The following BPGM variants were observed in gnomAD, a reference collection of about 807,000 sequenced individuals.
BPGM encodes bisphosphoglycerate mutase, also known as 2,3-bisphosphoglycerate mutase, erythrocyte.
A neutral mutation model predicts 21.6 loss-of-function variants in BPGM; 15 were observed. The ratio of observed to expected loss-of-function variants is 0.70; its 90% CI spans 0.47 to 1.07. BPGM has a LOEUF of 1.07. BPGM is among the 50% of genes least tolerant of loss of function. The pLI, the probability that BPGM is intolerant of heterozygous loss-of-function variation, is 0.00. For missense variants in BPGM, 273 were observed against 319.0 expected (o/e 0.86, Z 1.10); for synonymous variants, 113 against 116.2 (o/e 0.97, Z 0.18).
chr7:134,675,168 T>C (rs377008512), intron 2 of BPGM, among the ~76,000 whole-genome samples: 35 of 152,318 alleles, frequency 2.3e-4, no homozygotes, highest in Middle Eastern at 3.4e-3. Flanking sequence ...ATCTAGACTA[T>C]ATATGATATA....
intron 2 of BPGM, among the ~76,000 whole-genome samples, chr7:134,668,741 T>C (rs1417849981): frequency 6.6e-6 from 1 of 152,230 alleles, no homozygotes; most frequent in Non-Finnish European, 1.5e-5. Context: ...GAAACTGCTT[T>C]AGTAAAAAGA....
At chr7:134,647,507 A>C (rs1795480160) in intron 1 of BPGM, among the ~76,000 whole-genome samples, 1 of 152,246 alleles carries the variant, frequency 6.6e-6, no homozygotes, top group Non-Finnish European at 1.5e-5. Context: ...CTCTTTTCTA[A>C]GGGACGAGCT....
At chr7:134,647,802 T>A (rs1795484142) in intron 1 of BPGM, among the ~76,000 whole-genome samples, 1 of 152,236 alleles carries the variant, frequency 6.6e-6, no homozygotes, top group Non-Finnish European at 1.5e-5. Context: ...TTTTATTTTT[T>A]ATTTTTTTTG....
rs1276858733 is a variant in BPGM at position 134,661,612 on chromosome 7, G to A, written c.105G>A (p.Met35Ile). Reference protein sequence around the residue: ...WVDQKLNSEGMEEARNCGKQL... With the variant: ...WVDQKLNSEGIEEARNCGKQL... ...ATCAGAAACTCAACAGCGAAGGAAT[G>A]GAGGAAGCTCGGAACTGTGGGAAGC... Residue 35 changes from methionine (M) to isoleucine (I), a missense_variant, in exon 2 of 3, where the codon ATG becomes ATA. By Grantham distance (10) the Met-to-Ile change is conservative. Coordinates refer to ENST00000344924, the MANE Select transcript of BPGM (RefSeq NM_001724.5). This position sits in a 1 kb window ranked among gnomAD's most constrained non-coding sequence, Gnocchi z 4.6. 1 of 1,614,148 alleles carries A rather than the reference G, an allele frequency of 6.2e-7. No individual in the cohort carries two copies. Among genetic ancestry groups the A allele is most frequent in the South Asian group, 1.1e-5 (1 of 91,080 alleles).
At chr7:134,651,947 A>G (rs1795561297) in intron 1 of BPGM, among the ~76,000 whole-genome samples, 1 of 152,224 alleles carries the variant, frequency 6.6e-6, no homozygotes, top group Non-Finnish European at 1.5e-5. Context: ...CTAATGGGGT[A>G]AAGTGTGTCA....
At chr7:134,649,472 G>T (rs1386819572) in intron 1 of BPGM, among the ~76,000 whole-genome samples, 1 of 152,136 alleles carries the variant, frequency 6.6e-6, no homozygotes. Flanking sequence ...AAATTCACCT[G>T]GCCTTCATCT....
chr7:134,662,462 G>T (rs772974909), intron 2 of BPGM, among the ~76,000 whole-genome samples: 79 of 152,234 alleles, frequency 5.2e-4, no homozygotes, highest in Non-Finnish European at 8.1e-4. Flanking sequence ...GCTGATTGGG[G>T]TTCCACACTT....
intron 2 of BPGM, among the ~76,000 whole-genome samples, chr7:134,676,418 G>A (rs1795983952): frequency 6.6e-6 from 1 of 152,184 alleles, no homozygotes; most frequent in South Asian, 2.1e-4. Flanking sequence ...ATTTTTTATA[G>A]TGAAAATTTA....
chr7:134,661,876 G>C lies in BPGM; in HGVS notation c.369G>C (p.Pro123=). 6.2e-7 allele frequency: 1 copy of C among 1,607,928 alleles called. No individual in the cohort carries two copies. The highest frequency in any genetic ancestry group is 8.5e-7 in the Non-Finnish European group (1 of 1,176,056). Residue 123 remains proline, a synonymous_variant, in exon 2 of 3, where the codon CCG becomes CCC. Coordinates refer to ENST00000344924, the MANE Select transcript of BPGM (RefSeq NM_001724.5). The surrounding 1 kb of genome is among the most constrained non-coding windows in gnomAD (Gnocchi z 4.6). The part of the protein sequence containing the change: ...RLWRRSYNVT[P]PPIEESHPYY... ...GGAGAAGAAGCTACAATGTAACCCC[G>C]CCTCCCATTGAGGAGTCTCATCCTT... is the stretch of plus-strand genomic sequence containing the variant.
rs569915184 is a variant in BPGM, at chr7:134,670,797, G to A, written c.602-8056G>A. 3.9e-5 allele frequency among the ~76,000 whole-genome samples: 6 copies of A among 152,120 alleles called. No individual in the cohort carries two copies. The South Asian group carries it at 1.2e-3, about 32-fold the overall frequency. ...ACCTTATTAAATGAATGAGTTGACT[G>A]GAGTTGTTTCCCTTTTTTTTCTAAT... On this transcript the variant is annotated intron_variant, in intron 2 of 2. Coordinates refer to ENST00000344924, the MANE Select transcript of BPGM (RefSeq NM_001724.5).
At chr7:134,655,562 T>G (rs1268724603) in intron 1 of BPGM, among the ~76,000 whole-genome samples, 2 of 152,194 alleles carry the variant, frequency 1.3e-5, no homozygotes, top group Non-Finnish European at 2.9e-5. Flanking sequence ...TCTGTGGAGA[T>G]TATGGCCATC....
intron 1 of BPGM, chr7:134,658,640 T>A (rs1420659628): frequency 6.6e-6 from 1 of 152,260 alleles, no homozygotes; most frequent in Non-Finnish European, 1.5e-5. Flanking sequence ...AGTTTCTATG[T>A]TTGCAAGCTA....
At chr7:134,651,562 A>G (rs1417069401) in intron 1 of BPGM, among the ~76,000 whole-genome samples, 1 of 152,192 alleles carries the variant, frequency 6.6e-6, no homozygotes, top group Non-Finnish European at 1.5e-5. Flanking sequence ...GCAGCAGATG[A>G]TCATGCTACA....
Position 134,662,120 on chromosome 7 carries a change from A to G in BPGM, c.601+12A>G. The G allele has an allele frequency of 6.2e-7, 1 of 1,613,956 alleles. No individual in the cohort carries two copies. On this transcript the variant is annotated intron_variant, in intron 2 of 2. Coordinates refer to ENST00000344924, the MANE Select transcript of BPGM (RefSeq NM_001724.5). ...AAAACACCTGGAAGGTACCAGCTTT[A>G]TATACCACTTATTAGAGGTTGCCAA...
intron 1 of BPGM, among the ~76,000 whole-genome samples, chr7:134,648,243 C>T (rs1444460479): frequency 6.6e-6 from 1 of 150,898 alleles, no homozygotes; most frequent in African/African-American, 2.4e-5. Context: ...TCAATCGATT[C>T]TCCTGCCTCA....
intron 2 of BPGM, among the ~76,000 whole-genome samples, chr7:134,673,959 C>T (rs796804583): frequency 2.8e-4 from 40 of 142,868 alleles, no homozygotes; most frequent in African/African-American, 1.1e-3. Context: ...GTCACCCAGG[C>T]TGGAGTGCAA....
chr7:134,663,427 T>C (rs1041712663), intron 2 of BPGM, among the ~76,000 whole-genome samples: 1 of 152,148 alleles, frequency 6.6e-6, no homozygotes, highest in Non-Finnish European at 1.5e-5. Context: ...CACATGTGTA[T>C]CTTATTTACT....
In BPGM at chr7:134,679,090, G is replaced by A. The variant is rs1192725979; in HGVS notation, c.*59G>A. ...AAGAAGTGGCATAGGAGTGTGTTAT[G>A]GGTGCTGAACTCTCTCTCTTTTTCC... is the stretch of plus-strand genomic sequence containing the variant. On this transcript the variant is annotated 3_prime_UTR_variant, in exon 3 of 3. Transcript: ENST00000344924. 7 of 1,571,688 alleles carry A rather than the reference G, an allele frequency of 4.5e-6. No homozygotes were observed. The highest frequency in any genetic ancestry group is 5.2e-6 in the Non-Finnish European group (6 of 1,146,610).
In BPGM at chr7:134,661,144, AT is replaced by A. The variant is rs57118217; in HGVS notation, c.-61-302del. ...CTATTAAATCCTTTCTACTGTAAGC[AT>A]AAATTGCCTTTGTATCTGGCAGAAA... On this transcript the variant is annotated intron_variant, in intron 1 of 2. Transcript: ENST00000344924. This position sits in a 1 kb window ranked among gnomAD's most constrained non-coding sequence, Gnocchi z 4.6. Among the ~76,000 whole-genome samples, 72,989 of 152,148 alleles carry A rather than the reference AT, an allele frequency of 0.48. 17,731 individuals carry two copies. The highest frequency in any genetic ancestry group is 0.69 in the East Asian group (3,576 of 5,168).
Sources: allele counts gnomAD v4.1 joint callset (sites outside exome capture counted in the v4.1 genomes callset), GRCh38; gene constraint gnomAD v4.1.1; non-coding constraint Gnocchi (gnomAD v3.1); transcripts MANE v1.5; gene names NCBI Gene and HGNC (gene_info 2026-07-23, HGNC 2026-07-21).